DGKI: variants seen among roughly 807,000 people sequenced by gnomAD.
The protein encoded by DGKI is DAG kinase iota.
A neutral mutation model predicts 147.5 loss-of-function variants in DGKI; 55 were observed. That is an observed-to-expected ratio of 0.37 (90% CI 0.30 to 0.47). The LOEUF (loss-of-function observed/expected upper bound fraction) is 0.47. DGKI is among the 20% of genes least tolerant of loss of function. DGKI has a pLI of 1.00. For synonymous variants in DGKI, 469 were observed against 477.1 expected, an observed-to-expected ratio of 0.98 and a Z score of 0.22; for missense variants, 1,007 against 1,323.8, an observed-to-expected ratio of 0.76 and a Z score of 3.71.
At chr7:137,553,173 G>A (rs1258676404) in intron 19 of DGKI, among the ~76,000 whole-genome samples, 1 of 151,896 alleles carries the variant, frequency 6.6e-6, no homozygotes, top group Non-Finnish European at 1.5e-5. Context: ...CTTTTTCTTT[G>A]TGTTATCTAT....
At chr7:137,781,927 C>T (rs955705660) in intron 1 of DGKI, among the ~76,000 whole-genome samples, 27 of 152,126 alleles carry the variant, frequency 1.8e-4, no homozygotes, top group African/African-American at 6.0e-4. Flanking sequence ...GTCAAAATGG[C>T]TCTAAACATT....
At chr7:137,809,365 A>G (rs566617390) in intron 1 of DGKI, among the ~76,000 whole-genome samples, 1 of 152,330 alleles carries the variant, frequency 6.6e-6, no homozygotes, top group African/African-American at 2.4e-5. Context: ...GCCTGATCTG[A>G]AGCAATGACA....
rs1009386272 is a variant in DGKI at position 137,386,720 on chromosome 7, T to C, written c.*4500A>G. 1 of 152,174 alleles carries C rather than the reference T, an allele frequency of 6.6e-6. No homozygotes were observed. Among genetic ancestry groups the C allele is most frequent in the Non-Finnish European group, 1.5e-5 (1 of 68,006 alleles). 9.4% of individuals were successfully genotyped at this position (152,174 alleles called of 1,614,324 possible). On this transcript the variant is annotated 3_prime_UTR_variant, in exon 33 of 33. Coordinates refer to ENST00000614521, the MANE Select transcript of DGKI (RefSeq NM_001321708.2). ...CAGAAAAGGGTAGGGTCCAAGTCGA[T>C]CTGACAGACCTGGCAGAGAAGGACC... is the stretch of plus-strand genomic sequence containing the variant.
chr7:137,730,859 A>G (rs1794859209), intron 1 of DGKI, among the ~76,000 whole-genome samples: 2 of 152,062 alleles, frequency 1.3e-5, no homozygotes, highest in Non-Finnish European at 2.9e-5. Context: ...CTTTTTCATT[A>G]ATGTAAAAGG....
At chr7:137,498,561 A>G (rs1204663396) in intron 21 of DGKI, among the ~76,000 whole-genome samples, 1 of 152,126 alleles carries the variant, frequency 6.6e-6, no homozygotes, top group Non-Finnish European at 1.5e-5. Flanking sequence ...GATTATATAC[A>G]AAGGATTAAA....
intron 5 of DGKI, 130 bp downstream of exon 5, chr7:137,654,602 G>T: frequency 1.4e-6 from 1 of 709,236 alleles, no homozygotes; most frequent in Non-Finnish European, 2.5e-6. Flanking sequence ...TTATTGATGT[G>T]TTAACAAAAA....
chr7:137,818,711 G>C (rs1797810186), intron 1 of DGKI, among the ~76,000 whole-genome samples: 1 of 152,054 alleles, frequency 6.6e-6, no homozygotes, highest in Non-Finnish European at 1.5e-5. Context: ...CAAAGTGCTG[G>C]GATTACAGGC....
chr7:137,471,201 G>A (rs1814869352), intron 23 of DGKI, among the ~76,000 whole-genome samples: 3 of 152,124 alleles, frequency 2.0e-5, no homozygotes, highest in Non-Finnish European at 2.9e-5. Context: ...TGGGACAAAC[G>A]AGGGAGGCCA....
At chr7:137,432,653 T>A (rs6968489) in intron 28 of DGKI, among the ~76,000 whole-genome samples, 63,890 of 151,982 alleles carry the variant, frequency 0.42, 14,019 homozygotes, top group East Asian at 0.74. Context: ...GCTGAAGACC[T>A]CATGGCTAAT....
chr7:137,765,106 C>T (rs1795974284), intron 1 of DGKI, among the ~76,000 whole-genome samples: 1 of 152,192 alleles, frequency 6.6e-6, no homozygotes, highest in African/African-American at 2.4e-5. Context: ...GCGCCAGGTG[C>T]AGTCCAACCA....
chr7:137,513,929 C>G, intron 21 of DGKI: 1 of 800,936 alleles, frequency 1.2e-6, no homozygotes, highest in Non-Finnish European at 2.1e-6. Context: ...AGGCAGAGGT[C>G]CAAGTAAACC....
intron 22 of DGKI, among the ~76,000 whole-genome samples, chr7:137,486,690 T>G (rs1334020527): frequency 6.6e-6 from 1 of 152,150 alleles, no homozygotes; most frequent in East Asian, 1.9e-4. Context: ...CTGAATTTAT[T>G]TCTACCAAGA....
chr7:137,576,293 C>A (rs1281853463), intron 17 of DGKI, among the ~76,000 whole-genome samples: 1 of 152,110 alleles, frequency 6.6e-6, no homozygotes, highest in Non-Finnish European at 1.5e-5. Context: ...CTGCCTCGGC[C>A]TCCCAAAGAG....
intron 28 of DGKI, among the ~76,000 whole-genome samples, chr7:137,414,841 G>T (rs1215087428): frequency 6.6e-6 from 1 of 152,086 alleles, no homozygotes; most frequent in East Asian, 1.9e-4. Flanking sequence ...ATAAATTTTG[G>T]AAGTTATTCA....
intron 1 of DGKI, among the ~76,000 whole-genome samples, chr7:137,797,878 A>C (rs1178200899): frequency 6.6e-6 from 1 of 152,104 alleles, no homozygotes; most frequent in Non-Finnish European, 1.5e-5. Flanking sequence ...TAAATAAATG[A>C]AATAGAGAGG....
At chr7:137,422,976 T>G (rs1812639551) in intron 28 of DGKI, among the ~76,000 whole-genome samples, 1 of 152,130 alleles carries the variant, frequency 6.6e-6, no homozygotes, top group African/African-American at 2.4e-5. Context: ...TTCTTAACAT[T>G]TGAATGAAAT....
chr7:137,809,563 G>A (rs1483314885), intron 1 of DGKI, among the ~76,000 whole-genome samples: 3 of 152,088 alleles, frequency 2.0e-5, no homozygotes, highest in South Asian at 2.1e-4. Context: ...CCTGATATGC[G>A]TAAGTTTAGA....
chr7:137,773,139 A>G (rs1365506189), intron 1 of DGKI, among the ~76,000 whole-genome samples: 1 of 152,224 alleles, frequency 6.6e-6, no homozygotes, highest in Admixed American at 6.5e-5. Flanking sequence ...AAGCAGCTCC[A>G]TGATTCACGG....
intron 1 of DGKI, among the ~76,000 whole-genome samples, chr7:137,755,831 C>T (rs1446933528): frequency 6.6e-6 from 1 of 152,134 alleles, no homozygotes; most frequent in East Asian, 1.9e-4. Context: ...CAGAAACTGA[C>T]TATATAAACT....
Sources: gnomAD v4.1 joint callset for allele counts (sites outside exome capture counted in the v4.1 genomes callset) on GRCh38, gnomAD v4.1.1 for gene constraint, MANE v1.5 for transcripts, NCBI Gene and HGNC (gene_info 2026-07-23, HGNC 2026-07-21) for gene names.